Variants in GLDN observed in about 807,000 individuals in gnomAD.
GLDN encodes the protein gliomedin, also known as collomin.
Under a neutral mutation model 56.5 loss-of-function variants are expected in GLDN, and 47 were observed. The observed-to-expected ratio is 0.83, with a 90% CI of 0.66 to 1.06. The LOEUF (loss-of-function observed/expected upper bound fraction) is 1.06, where lower values mean the gene tolerates loss of function less well. Among genes scored for constraint, GLDN ranks in the 50% least tolerant of loss-of-function variants. GLDN has a pLI of 0.00. For synonymous variants in GLDN, 332 were observed against 278.8 expected (o/e 1.19, Z -1.90); for missense variants, 782 against 714.3 (o/e 1.09, Z -1.08).
intron 2 of GLDN, among the ~76,000 whole-genome samples, chr15:51,378,221 C>G (rs1385768670): frequency 2.0e-5 from 3 of 152,162 alleles, no homozygotes; most frequent in Non-Finnish European, 4.4e-5. Context: ...CTCAGGAACC[C>G]CACATCCAAG....
chr15:51,347,903 C>G lies in GLDN; in HGVS notation c.363+5856C>G, dbSNP rs138898213. Among the ~76,000 whole-genome samples, 1,290 of 152,132 alleles carry G rather than the reference C, an allele frequency of 8.5e-3. 19 individuals carry two copies. Among genetic ancestry groups the G allele is most frequent in the African/African-American group, 0.03 (1,242 of 41,486 alleles). On this transcript the variant is annotated intron_variant, in intron 1 of 9. Transcript: ENST00000335449. ...TATATAATAAGAGTCAGAACAATCC[C>G]CAGGATATATTCTAAGTGAACAAAG...
chr15:51,385,636 G>T (rs928481400), intron 4 of GLDN: 1 of 152,272 alleles, frequency 6.6e-6, no homozygotes, highest in Non-Finnish European at 1.5e-5. Flanking sequence ...GGGGTTAGAG[G>T]TGGTACATTT....
At chr15:51,400,313 T>C in intron 7 of GLDN, 38 bp downstream of exon 7, 1 of 1,614,094 alleles carries the variant, frequency 6.2e-7, no homozygotes. Context: ...AATTCAGAAA[T>C]TGAATACCTT....
At chr15:51,401,989 A>C (rs1178895694) in intron 9 of GLDN, among the ~76,000 whole-genome samples, 1 of 152,192 alleles carries the variant, frequency 6.6e-6, no homozygotes, top group Non-Finnish European at 1.5e-5. Context: ...GGTCAGAGCC[A>C]GGGAGAAGTA....
chr15:51,355,609 C>T (rs535829892), intron 1 of GLDN, among the ~76,000 whole-genome samples: 17 of 150,638 alleles, frequency 1.1e-4, no homozygotes, highest in Middle Eastern at 3.4e-3. Flanking sequence ...CTTTAACCTC[C>T]GCCTCCTGGG....
intron 1 of GLDN, among the ~76,000 whole-genome samples, chr15:51,351,519 T>C (rs2037076510): frequency 6.6e-6 from 1 of 152,154 alleles, no homozygotes; most frequent in Admixed American, 6.5e-5. Context: ...GAGAGATCCT[T>C]TGGCAAAGGT....
intron 4 of GLDN, among the ~76,000 whole-genome samples, chr15:51,389,413 A>G (rs1412302458): frequency 6.6e-6 from 1 of 152,244 alleles, no homozygotes; most frequent in African/African-American, 2.4e-5. Flanking sequence ...GAGAAGATAT[A>G]TCGTGCAACA....
intron 1 of GLDN, among the ~76,000 whole-genome samples, chr15:51,346,820 C>T (rs2036986495): frequency 6.6e-6 from 1 of 152,166 alleles, no homozygotes; most frequent in African/African-American, 2.4e-5. Context: ...AATCCCAGCA[C>T]TTTGGGAGGC....
rs200815843 is a variant in GLDN at position 51,391,270 on chromosome 15, TCC to T, written c.542-3563_542-3562del. Among the ~76,000 whole-genome samples, 243 of 151,224 alleles carry T rather than the reference TCC, an allele frequency of 1.6e-3. 1 individual carries two copies. Among genetic ancestry groups the T allele is most frequent in the African/African-American group, 5.6e-3 (229 of 40,676 alleles). ...ACAGCTGCCAGGCAGCAGGAACATT[TCC>T]CTGTTTCACATATGGCCTTTCCGAG... On this transcript the variant is annotated intron_variant, in intron 4 of 9. Coordinates refer to ENST00000335449, the MANE Select transcript of GLDN (RefSeq NM_181789.4).
At chr15:51,373,103 C>T (rs556288665) in intron 1 of GLDN, among the ~76,000 whole-genome samples, 1 of 152,250 alleles carries the variant, frequency 6.6e-6, no homozygotes, top group African/African-American at 2.4e-5. Context: ...TTTGGGAGGA[C>T]ATATTCAAAT....
chr15:51,356,274 C>T (rs2037185927), intron 1 of GLDN, among the ~76,000 whole-genome samples: 1 of 151,688 alleles, frequency 6.6e-6, no homozygotes, highest in Admixed American at 6.6e-5. Flanking sequence ...CCTTATTTTA[C>T]CCAGCCCCTA....
At chr15:51,393,470 G>A (rs1291665954) in intron 4 of GLDN, among the ~76,000 whole-genome samples, 1 of 152,182 alleles carries the variant, frequency 6.6e-6, no homozygotes, top group Admixed American at 6.5e-5. Context: ...TCCTGTGTGA[G>A]CCCTGATAAT....
rs187049947 is a variant in GLDN, at chr15:51,392,275, G to A, written c.542-2560G>A. On this transcript the variant is annotated intron_variant, in intron 4 of 9. Transcript: ENST00000335449. ...AGCAGGAGGTGAGCGGCAGATGATT[G>A]AGCAAAGCTTCATCTGTATTTACAG... Among the ~76,000 whole-genome samples the A allele has an allele frequency of 7.2e-4, 110 of 152,280 alleles. 2 individuals carry two copies. Among genetic ancestry groups the A allele is most frequent in the Admixed American group, 6.6e-3 (101 of 15,304 alleles).
At chr15:51,390,469 C>T (rs1205417185) in intron 4 of GLDN, among the ~76,000 whole-genome samples, 1 of 152,220 alleles carries the variant, frequency 6.6e-6, no homozygotes, top group East Asian at 1.9e-4. Context: ...CAAAAGCAAG[C>T]AGTTTCTTTC....
downstream of GLDN, among the ~76,000 whole-genome samples, chr15:51,412,419 T>A (rs959754673): frequency 2.6e-5 from 4 of 152,184 alleles, no homozygotes; most frequent in Non-Finnish European, 5.9e-5. Flanking sequence ...TCTCTTGTCC[T>A]TAGGAGTCTG....
downstream of GLDN, among the ~76,000 whole-genome samples, chr15:51,410,447 C>T (rs986102095): frequency 6.6e-6 from 1 of 152,214 alleles, no homozygotes; most frequent in Non-Finnish European, 1.5e-5. Context: ...AAGGCCTAGA[C>T]ATCTCAGCCC....
chr15:51,396,835 G>A lies in GLDN; in HGVS notation c.689-635G>A, dbSNP rs536839964. Reference sequence around the variant, plus strand: ...TCAAGGAAAGATTGAACTGGGTTTAGTACATTTTGTTTCATTAACAGCAGA... The same window carrying A: ...TCAAGGAAAGATTGAACTGGGTTTAATACATTTTGTTTCATTAACAGCAGA... On this transcript the variant is annotated intron_variant, in intron 5 of 9. Transcript: ENST00000335449. Among the ~76,000 whole-genome samples the A allele has an allele frequency of 3.3e-5, 5 of 152,312 alleles. No homozygotes were observed. In the East Asian group the frequency reaches 9.6e-4, roughly 29 times the overall value.
chr15:51,383,984 G>T (rs896838058), intron 4 of GLDN, 92 bp downstream of exon 4: 5 of 964,252 alleles, frequency 5.2e-6, no homozygotes, highest in Non-Finnish European at 8.2e-6. Flanking sequence ...CAGGGGTAAG[G>T]TGTTTCATCT....
At chr15:51,354,172 C>T (rs8031112) in intron 1 of GLDN, among the ~76,000 whole-genome samples, 36,229 of 152,114 alleles carry the variant, frequency 0.24, 6,648 homozygotes, top group African/African-American at 0.51. Context: ...CAGAAAAAGT[C>T]TGTGCTTGCC....
Sources: allele counts gnomAD v4.1 joint callset (sites outside exome capture counted in the v4.1 genomes callset), GRCh38; gene constraint gnomAD v4.1.1; transcripts MANE v1.5; gene names NCBI Gene and HGNC (gene_info 2026-07-23, HGNC 2026-07-21).